The following FRMD4B variants were observed in gnomAD, a reference collection of about 807,000 sequenced individuals.
The protein encoded by FRMD4B is FERM domain containing 4B.
Under a neutral mutation model 141.5 loss-of-function variants are expected in FRMD4B, and 74 were observed. That is an observed-to-expected ratio of 0.52 (90% confidence interval 0.43 to 0.63). The LOEUF is 0.63. Ranked by LOEUF, FRMD4B falls within the 30% of genes least tolerant of loss-of-function variation. The probability of loss-of-function intolerance (pLI) is 0.00; values close to 1 mark genes in which losing one functional copy is unlikely to be tolerated. For synonymous variants in FRMD4B, 506 were observed against 467.9 expected, an observed-to-expected ratio of 1.08 and a Z score of -1.05; for missense variants, 1,366 against 1,253.4, an observed-to-expected ratio of 1.09 and a Z score of -1.36.
At chr3:69,448,380 C>T (rs1705442732) in intron 1 of FRMD4B, among the ~76,000 whole-genome samples, 1 of 152,174 alleles carries the variant, frequency 6.6e-6, no homozygotes, top group African/African-American at 2.4e-5. Flanking sequence ...TCAGTAAATA[C>T]TCTGGAGTGG....
At chr3:69,314,527 C>A (rs1357229045) in intron 1 of FRMD4B, among the ~76,000 whole-genome samples, 110 of 125,550 alleles carry the variant, frequency 8.8e-4, no homozygotes, top group African/African-American at 8.3e-4. Flanking sequence ...GACTCTGTCT[C>A]AAAAAAAAAA....
At chr3:69,391,731 G>C (rs78896076) in intron 2 of FRMD4B, among the ~76,000 whole-genome samples, 1 of 152,284 alleles carries the variant, frequency 6.6e-6, no homozygotes, top group Non-Finnish European at 1.5e-5. Context: ...CTATTAGACT[G>C]TCAGCTATGT....
intron 7 of FRMD4B, among the ~76,000 whole-genome samples, chr3:69,238,781 C>T (rs2093363064): frequency 6.6e-6 from 1 of 152,068 alleles, no homozygotes; most frequent in Admixed American, 6.6e-5. Flanking sequence ...AAAAATCCTG[C>T]CTCAAAACAA....
In FRMD4B at chr3:69,336,227, C is replaced by T. The variant is rs184543043; in HGVS notation, c.163-22710G>A. Reference sequence around the variant, plus strand: ...ACAAGCTTAGAGTTAATGAGGGGCTCATCAGTGGTTCTTGAAGTGTGGTCT... The same window carrying T: ...ACAAGCTTAGAGTTAATGAGGGGCTTATCAGTGGTTCTTGAAGTGTGGTCT... On this transcript the variant is annotated intron_variant, in intron 1 of 22. Coordinates refer to ENST00000398540, the MANE Select transcript of FRMD4B (RefSeq NM_015123.3). Among the ~76,000 whole-genome samples, 29 of 152,270 alleles carry T rather than the reference C, an allele frequency of 1.9e-4. No individual in the cohort carries two copies. In the East Asian group the frequency reaches 5.2e-3, roughly 27 times the overall value.
intron 1 of FRMD4B, among the ~76,000 whole-genome samples, chr3:69,349,136 A>C (rs1157382947): frequency 6.6e-6 from 1 of 152,252 alleles, no homozygotes; most frequent in Non-Finnish European, 1.5e-5. Context: ...CTCAGGATAC[A>C]AAATCAATGT....
intron 1 of FRMD4B, chr3:69,334,223 A>G (rs1450591990): frequency 6.6e-6 from 1 of 152,200 alleles, no homozygotes; most frequent in Non-Finnish European, 1.5e-5. Context: ...TTTGAGCCCC[A>G]GTTTCTTCAT....
At chr3:69,416,565 G>T (rs757962292) in intron 2 of FRMD4B, among the ~76,000 whole-genome samples, 13 of 152,054 alleles carry the variant, frequency 8.5e-5, no homozygotes, top group Non-Finnish European at 1.5e-4. Context: ...TTAAGTTCTG[G>T]GATACACGTG....
chr3:69,481,108 T>C (rs1419574810), intron 1 of FRMD4B, among the ~76,000 whole-genome samples: 3 of 152,178 alleles, frequency 2.0e-5, no homozygotes, highest in African/African-American at 4.8e-5. Flanking sequence ...CCAGGTGCTG[T>C]CTGTCACCCC....
At chr3:69,489,639 T>C (rs1706271935) in intron 1 of FRMD4B, among the ~76,000 whole-genome samples, 1 of 152,160 alleles carries the variant, frequency 6.6e-6, no homozygotes, top group South Asian at 2.1e-4. Flanking sequence ...TGCTGGTGTA[T>C]ATGTAAAATG....
At chr3:69,291,866 C>A (rs1053624635) in intron 4 of FRMD4B, among the ~76,000 whole-genome samples, 1 of 148,732 alleles carries the variant, frequency 6.7e-6, no homozygotes, top group Non-Finnish European at 1.5e-5. Context: ...TAATAGAGGG[C>A]TTCTTCCATG....
intron 1 of FRMD4B, among the ~76,000 whole-genome samples, chr3:69,378,166 A>G (rs1337960083): frequency 2.0e-5 from 3 of 151,358 alleles, no homozygotes; most frequent in East Asian, 3.9e-4. Context: ...GGGCTCTCTA[A>G]TAAACTTCCT....
chr3:69,260,108 G>A (rs890816119), intron 5 of FRMD4B, among the ~76,000 whole-genome samples: 1 of 151,888 alleles, frequency 6.6e-6, no homozygotes, highest in African/African-American at 2.4e-5. Context: ...AGGTGACAAC[G>A]TGCTAGCAGC....
chr3:69,244,284 A>G (rs1188946577), intron 7 of FRMD4B, among the ~76,000 whole-genome samples: 1 of 152,148 alleles, frequency 6.6e-6, no homozygotes, highest in African/African-American at 2.4e-5. Flanking sequence ...ACAATGGAAG[A>G]GGAGCTGGTT....
At chr3:69,332,056 C>T (rs1702386018) in intron 1 of FRMD4B, among the ~76,000 whole-genome samples, 1 of 152,122 alleles carries the variant, frequency 6.6e-6, no homozygotes, top group Admixed American at 6.5e-5. Context: ...CACTGCATTC[C>T]AGCCTGGGCG....
In FRMD4B at chr3:69,495,945, G is replaced by A. The variant is rs574602584; in HGVS notation, c.-129+46261C>T. Reference sequence around the variant, plus strand: ...CAAACCAGTATGCAGTGATTTTATGGCACAAGAATAGACTATGAGTATATG... The same window carrying A: ...CAAACCAGTATGCAGTGATTTTATGACACAAGAATAGACTATGAGTATATG... On this transcript the variant is annotated intron_variant, in intron 1 of 5. Transcript: ENST00000459638. 2.6e-4 allele frequency among the ~76,000 whole-genome samples: 40 copies of A among 152,252 alleles called. 1 individual carries two copies. Among genetic ancestry groups the A allele is most frequent in the African/African-American group, 9.1e-4 (38 of 41,544 alleles).
intron 4 of FRMD4B, among the ~76,000 whole-genome samples, chr3:69,291,758 C>A (rs1276197657): frequency 6.6e-6 from 1 of 152,184 alleles, no homozygotes; most frequent in Non-Finnish European, 1.5e-5. Flanking sequence ...CAGAAGCCCT[C>A]ATCCCTGTGT....
At chr3:69,434,610 A>G (rs1211648942) in intron 1 of FRMD4B, among the ~76,000 whole-genome samples, 2 of 152,234 alleles carry the variant, frequency 1.3e-5, no homozygotes, top group African/African-American at 4.8e-5. Context: ...ATGGGAATCT[A>G]TTCTACAACT....
At chr3:69,372,429 C>G (rs746819080) in intron 1 of FRMD4B, among the ~76,000 whole-genome samples, 2 of 152,208 alleles carry the variant, frequency 1.3e-5, no homozygotes, top group Non-Finnish European at 2.9e-5. Context: ...CTTTGGGAGG[C>G]TGAAGTGGGC....
intron 7 of FRMD4B, among the ~76,000 whole-genome samples, chr3:69,248,123 C>T (rs1215126854): frequency 6.6e-6 from 1 of 152,108 alleles, no homozygotes; most frequent in Non-Finnish European, 1.5e-5. Context: ...TACTAATGGT[C>T]TGTAAACTAC....
Sources: gnomAD v4.1 joint callset for allele counts (sites outside exome capture counted in the v4.1 genomes callset) on GRCh38, gnomAD v4.1.1 for gene constraint, MANE v1.5 for transcripts, NCBI Gene and HGNC (gene_info 2026-07-23, HGNC 2026-07-21) for gene names.